BRAF: variants seen among roughly 807,000 people sequenced by gnomAD.
The protein encoded by BRAF is B-Raf proto-oncogene, serine/threonine kinase.
Under a neutral mutation model 104.6 loss-of-function variants are expected in BRAF, and 16 were observed. The ratio of observed to expected loss-of-function variants is 0.15; its 90% CI spans 0.10 to 0.23. BRAF has a LOEUF of 0.23. Ranked by LOEUF, BRAF falls within the 10% of genes least tolerant of loss-of-function variation. The pLI, the probability that BRAF is intolerant of heterozygous loss-of-function variation, is 1.00. For synonymous variants in BRAF, 310 were observed against 341.6 expected (o/e 0.91, Z 1.02); for missense variants, 541 against 937.3 (o/e 0.58, Z 5.52).
At position 140,924,782 on chromosome 7, in the gene BRAF, G is replaced by C; in HGVS notation, c.-79C>G. On this transcript the variant is annotated 5_prime_UTR_variant, in exon 1 of 20. Transcript: ENST00000644969. The surrounding 1 kb of genome is among the most constrained non-coding windows in gnomAD (Gnocchi z 4.2). ...GGGAGGCGGAGAGCTGGGGGAGGCG[G>C]AGGCGGAGGCGGAGGCGGAGGAGCG... The C allele has an allele frequency of 2.0e-6, 1 of 490,172 alleles. No individual in the cohort carries two copies. The highest frequency in any genetic ancestry group is 3.5e-6 in the Non-Finnish European group (1 of 282,164). The allele number at this position is 490,172 out of a possible 1,614,324, so 30.4% of individuals were successfully genotyped here.
rs1056544517 is a variant in BRAF, at chr7:140,924,304, T to G, written c.138+262A>C. Among the ~76,000 whole-genome samples, 2 of 151,650 alleles carry G rather than the reference T, an allele frequency of 1.3e-5. No individual in the cohort carries two copies. The highest frequency in any genetic ancestry group is 3.2e-3 in the Middle Eastern group (1 of 316). On this transcript the variant is annotated intron_variant, in intron 1 of 19. Coordinates refer to ENST00000644969, the MANE Select transcript of BRAF (RefSeq NM_001374258.1). The surrounding 1 kb of genome is among the most constrained non-coding windows in gnomAD (Gnocchi z 4.2). The stretch of plus-strand genomic sequence containing the variant: ...TGAGTTTCGCCCCCTATTGATAGCC[T>G]CCCGCTCAACCACCGCTGCCCCAAT...
intron 14 of BRAF, 30 bp downstream of exon 13, chr7:140,776,882 T>C (rs756413322): frequency 1.3e-5 from 21 of 1,599,782 alleles, no homozygotes; most frequent in East Asian, 2.2e-5. Flanking sequence ...TCAAAAATAA[T>C]TTACAAGACA....
chr7:140,861,522 C>T (rs535378432), intron 1 of BRAF, among the ~76,000 whole-genome samples: 2 of 152,290 alleles, frequency 1.3e-5, no homozygotes, highest in Non-Finnish European at 1.5e-5. Flanking sequence ...GTTAGCCACT[C>T]AGAATCTGCC....
chr7:140,910,813 C>T (rs1295310701), intron 1 of BRAF, among the ~76,000 whole-genome samples: 1 of 152,094 alleles, frequency 6.6e-6, no homozygotes, highest in African/African-American at 2.4e-5. Context: ...GCTGGGACTA[C>T]ATGTGGATGC....
At chr7:140,833,387 T>C (rs1162980283) in intron 3 of BRAF, among the ~76,000 whole-genome samples, 1 of 152,164 alleles carries the variant, frequency 6.6e-6, no homozygotes, top group Non-Finnish European at 1.5e-5. Flanking sequence ...CAATAAAGAA[T>C]TAATTTAAGA....
At chr7:140,845,301 T>C (rs768528456) in intron 2 of BRAF, among the ~76,000 whole-genome samples, 7 of 152,090 alleles carry the variant, frequency 4.6e-5, no homozygotes, top group African/African-American at 1.2e-4. Context: ...TGTCATGGCA[T>C]TGGATTTGGT....
At position 140,719,677 on chromosome 7, in the gene BRAF, T is replaced by C; in HGVS notation, c.*6817A>G. The C allele has an allele frequency of 9.4e-7, 1 of 1,058,402 alleles. No homozygotes were observed. Among genetic ancestry groups the C allele is most frequent in the Non-Finnish European group, 1.1e-6 (1 of 873,514 alleles). 65.6% of individuals were successfully genotyped at this position (1,058,402 alleles called of 1,614,324 possible). On this transcript the variant is annotated 3_prime_UTR_variant, in exon 20 of 20. Coordinates refer to ENST00000644969, the MANE Select transcript of BRAF (RefSeq NM_001374258.1). The stretch of plus-strand genomic sequence containing the variant: ...GAGAATAGGGGAAAAGAGGGAGACA[T>C]CATCCATTTGACTGAAAATAAATGT...
chr7:140,834,047 A>T (rs1167880094), intron 3 of BRAF: 1 of 157,916 alleles, frequency 6.3e-6, no homozygotes, highest in African/African-American at 2.4e-5. Flanking sequence ...TGGGTTACTT[A>T]TTAAGTCTAC....
chr7:140,803,456 G>GC lies in BRAF; in HGVS notation c.712-1897_712-1896insG, dbSNP rs1262611827. ...ATAATGGTTAACTTTGGATAAAAAT[G>GC]TAAAAACAATTATTTATAAAACTAG... is the stretch of plus-strand genomic sequence containing the variant. On this transcript the variant is annotated intron_variant, in intron 5 of 19. Coordinates refer to ENST00000644969, the MANE Select transcript of BRAF (RefSeq NM_001374258.1). Among the ~76,000 whole-genome samples the GC allele has an allele frequency of 3.0e-4, 46 of 152,140 alleles. No individual in the cohort carries two copies. The East Asian group carries it at 6.9e-3, about 23-fold the overall frequency.
At chr7:140,911,007 A>C (rs1333617015) in intron 1 of BRAF, among the ~76,000 whole-genome samples, 1 of 152,212 alleles carries the variant, frequency 6.6e-6, no homozygotes, top group East Asian at 1.9e-4. Context: ...GTGCTGTGTA[A>C]ATCAACATAA....
At chr7:140,903,638 G>A (rs1019875695) in intron 1 of BRAF, among the ~76,000 whole-genome samples, 17 of 152,302 alleles carry the variant, frequency 1.1e-4, no homozygotes, top group Admixed American at 6.5e-4. Context: ...GGCTATAGCC[G>A]CCATAGATAT....
At position 140,856,790 on chromosome 7, in the gene BRAF, A is replaced by C. The variant is rs117376084; in HGVS notation, c.139-6578T>G. On this transcript the variant is annotated intron_variant, in intron 1 of 19. Transcript: ENST00000644969. ...GGCCATAAATTTTCCAAAACAGGTGAAAATAAAAAAGTTCAGTTCTTAAAG... is the reference window on the plus strand; with the variant it reads ...GGCCATAAATTTTCCAAAACAGGTGCAAATAAAAAAGTTCAGTTCTTAAAG... 5.6e-3 allele frequency among the ~76,000 whole-genome samples: 847 copies of C among 152,324 alleles called. 31 individuals carry two copies. Among genetic ancestry groups the C allele is most frequent in the Admixed American group, 0.045 (691 of 15,296 alleles).
intron 9 of BRAF, among the ~76,000 whole-genome samples, chr7:140,786,559 GTTGTC>G (rs1801377673): frequency 6.6e-6 from 1 of 152,156 alleles, no homozygotes; most frequent in Non-Finnish European, 1.5e-5. Flanking sequence ...CTTAAGCAAT[GTTGTC>G]TTATGTGCTA....
At chr7:140,801,369 T>G in intron 6 of BRAF, 43 bp downstream of exon 6, 2 of 1,603,782 alleles carry the variant, frequency 1.2e-6, no homozygotes, top group Non-Finnish European at 1.7e-6. Flanking sequence ...AAAATTTAAG[T>G]GTAAAATGGT....
chr7:140,730,337 C>T (rs1795868990), intron 19 of BRAF, among the ~76,000 whole-genome samples: 2 of 151,438 alleles, frequency 1.3e-5, no homozygotes, highest in South Asian at 2.1e-4. Flanking sequence ...TTTTCTTTCC[C>T]CTTCTTTCAG....
At chr7:140,802,684 T>C (rs553429057) in intron 5 of BRAF, among the ~76,000 whole-genome samples, 3 of 152,046 alleles carry the variant, frequency 2.0e-5, no homozygotes, top group Non-Finnish European at 4.4e-5. Context: ...AATAAGCACA[T>C]AAAATATTTT....
intron 2 of BRAF, among the ~76,000 whole-genome samples, chr7:140,846,884 G>A (rs747794031): frequency 6.6e-6 from 1 of 152,124 alleles, no homozygotes; most frequent in African/African-American, 2.4e-5. Flanking sequence ...GGCCAGGCAC[G>A]GTGGCTCACG....
intron 16 of BRAF, among the ~76,000 whole-genome samples, chr7:140,751,755 G>A (rs1409172937): frequency 1.3e-5 from 2 of 152,114 alleles, no homozygotes; most frequent in Non-Finnish European, 2.9e-5. Flanking sequence ...TTTAACTCTA[G>A]GTTTATTTTG....
In BRAF at chr7:140,724,786, G is replaced by C; in HGVS notation, c.*1708C>G. 1 of 1,035,036 alleles carries C rather than the reference G, an allele frequency of 9.7e-7. No homozygotes were observed. The highest frequency in any genetic ancestry group is 4.6e-5 in the South Asian group (1 of 21,712). 64.1% of individuals were successfully genotyped at this position (1,035,036 alleles called of 1,614,324 possible). On this transcript the variant is annotated 3_prime_UTR_variant, in exon 20 of 20. Coordinates refer to ENST00000644969, the MANE Select transcript of BRAF (RefSeq NM_001374258.1). ...TCAAGTCCTTGGCTATAGCTTGGTT[G>C]GTCTGATTTGATTTGTGTTCCTAAA...
Sources: gnomAD v4.1 joint callset for allele counts (sites outside exome capture counted in the v4.1 genomes callset) on GRCh38, gnomAD v4.1.1 for gene constraint, Gnocchi (gnomAD v3.1) non-coding constraint, MANE v1.5 for transcripts, NCBI Gene and HGNC (gene_info 2026-07-23, HGNC 2026-07-21) for gene names.